Variants in VRTN observed in about 807,000 individuals in gnomAD.
VRTN encodes the protein vertnin.
A neutral mutation model predicts 18.2 loss-of-function variants in VRTN; 5 were observed. The observed-to-expected ratio is 0.27, with a 90% CI of 0.14 to 0.58. The LOEUF (loss-of-function observed/expected upper bound fraction) is 0.58. VRTN is among the 20% of genes least tolerant of loss of function. The probability of loss-of-function intolerance (pLI) is 0.91; values close to 1 mark genes in which losing one functional copy is unlikely to be tolerated. For synonymous variants in VRTN, 381 were observed against 393.7 expected (o/e 0.97, Z 0.38); for missense variants, 741 against 939.4 (o/e 0.79, Z 2.76).
At chr14:74,347,609 G>A (rs931707287), upstream of VRTN, among the ~76,000 whole-genome samples, 4 of 152,230 alleles carry the variant, frequency 2.6e-5, no homozygotes, top group Admixed American at 2.6e-4. Flanking sequence ...AAGGGTTAAA[G>A]CCAGGCTGGA....
intron 2 of VRTN, among the ~76,000 whole-genome samples, chr14:74,339,963 T>A (rs1441625281): frequency 3.9e-5 from 6 of 152,058 alleles, no homozygotes; most frequent in Admixed American, 2.6e-4. Context: ...TGAGATGGAG[T>A]CTCACTCTGC....
chr14:74,308,252 C>CA (rs1289274829), intron 1 of VRTN, among the ~76,000 whole-genome samples: 1 of 151,634 alleles, frequency 6.6e-6, no homozygotes, highest in East Asian at 1.9e-4. Context: ...CCCATCTCTA[C>CA]AAAAAAAGAA....
intron 1 of VRTN, among the ~76,000 whole-genome samples, chr14:74,353,801 T>C (rs1322802016): frequency 6.6e-6 from 1 of 152,028 alleles, no homozygotes; most frequent in Non-Finnish European, 1.5e-5. Flanking sequence ...TGGCTCACTG[T>C]AAGCTCCGCC....
intron 1 of VRTN, among the ~76,000 whole-genome samples, chr14:74,355,916 C>T (rs1567046286): frequency 3.3e-5 from 5 of 151,832 alleles, no homozygotes; most frequent in Admixed American, 6.6e-5. Flanking sequence ...ACTGCAGCCT[C>T]GGATTCCCAG....
chr14:74,303,833 A>T (rs908570606), intron 1 of VRTN, among the ~76,000 whole-genome samples: 5 of 147,262 alleles, frequency 3.4e-5, no homozygotes, highest in African/African-American at 1.3e-4. Flanking sequence ...CAATCAGTTG[A>T]CAATTACAGA....
intron 1 of VRTN, among the ~76,000 whole-genome samples, chr14:74,335,286 C>A (rs114080799): frequency 0.012 from 1,832 of 152,136 alleles, 29 homozygotes; most frequent in African/African-American, 0.041. Context: ...ATAACCATAA[C>A]TGGATAATAG....
rs1018932680 is a variant in VRTN at position 74,357,731 on chromosome 14, C to T, written c.948C>T (p.Ala316=). 1 of 1,613,500 alleles carries T rather than the reference C, an allele frequency of 6.2e-7. No homozygotes were observed. Residue 316 remains alanine (A), a synonymous_variant, in exon 2 of 2, where the codon GCC becomes GCT. Coordinates refer to ENST00000256362, the MANE Select transcript of VRTN (RefSeq NM_018228.3). This position sits in a 1 kb window ranked among gnomAD's most constrained non-coding sequence, Gnocchi z 7.8. The part of the protein sequence containing the change: ...HRQKVAARFS[A]KHFLQDSFHR... The stretch of plus-strand genomic sequence containing the variant: ...AGAAGGTTGCTGCCCGCTTCTCCGC[C>T]AAGCACTTCCTGCAGGACAGCTTCC...
chr14:74,357,965 G>A lies in VRTN; in HGVS notation c.1182G>A (p.Val394=), dbSNP rs2085745315. Residue 394 remains valine, a synonymous_variant, in exon 2 of 2, where the codon GTG becomes GTA. Coordinates refer to ENST00000256362, the MANE Select transcript of VRTN (RefSeq NM_018228.3). This position sits in a 1 kb window ranked among gnomAD's most constrained non-coding sequence, Gnocchi z 7.8. ...AGCTGGAGTGCTCCGCACTGGCGGT[G>A]TCAAGCCCTGGAATGGTCTTAATGC... is the stretch of plus-strand genomic sequence containing the variant. ...EEELECSALA[V]SSPGMVLMQR... is the part of the protein sequence containing the mutation. 1.2e-6 allele frequency: 2 copies of A among 1,614,210 alleles called. No homozygotes were observed. Among genetic ancestry groups the A allele is most frequent in the South Asian group, 1.1e-5 (1 of 91,090 alleles).
intron 1 of VRTN, among the ~76,000 whole-genome samples, chr14:74,335,033 G>A (rs980333318): frequency 2.6e-5 from 4 of 152,162 alleles, no homozygotes; most frequent in Non-Finnish European, 2.9e-5. Flanking sequence ...TGTAATCCCA[G>A]CAGTTTGGGA....
intron 1 of VRTN, among the ~76,000 whole-genome samples, chr14:74,329,461 G>C (rs1001101322): frequency 1.3e-5 from 2 of 152,004 alleles, no homozygotes; most frequent in Non-Finnish European, 2.9e-5. Flanking sequence ...ATGAGGTTTT[G>C]CAATGTTGCC....
At chr14:74,326,704 G>A (rs551337243) in intron 1 of VRTN, among the ~76,000 whole-genome samples, 1 of 152,128 alleles carries the variant, frequency 6.6e-6, no homozygotes, top group Non-Finnish European at 1.5e-5. Flanking sequence ...ACTCCTGCCA[G>A]CTCCAGGGAG....
intron 1 of VRTN, among the ~76,000 whole-genome samples, chr14:74,323,255 G>T (rs2085467388): frequency 6.6e-6 from 1 of 152,112 alleles, no homozygotes; most frequent in South Asian, 2.1e-4. Context: ...AATCTCTGGG[G>T]AGTAGAGGTT....
chr14:74,347,120 A>G (rs2085648843), upstream of VRTN, among the ~76,000 whole-genome samples: 1 of 152,240 alleles, frequency 6.6e-6, no homozygotes, highest in Non-Finnish European at 1.5e-5. Context: ...TACCAAGCAG[A>G]GTTCTAAATG....
intron 1 of VRTN, among the ~76,000 whole-genome samples, chr14:74,332,967 C>G (rs1334448866): frequency 6.6e-6 from 1 of 152,162 alleles, no homozygotes; most frequent in African/African-American, 2.4e-5. Flanking sequence ...TTCCCATATT[C>G]TATTCTCGGG....
At chr14:74,310,619 C>A (rs1176078488) in intron 1 of VRTN, among the ~76,000 whole-genome samples, 1 of 149,810 alleles carries the variant, frequency 6.7e-6, no homozygotes, top group Non-Finnish European at 1.5e-5. Context: ...CTCACTGCAG[C>A]CTCCGCCTCC....
At chr14:74,317,571 G>T (rs1384355655) in intron 1 of VRTN, among the ~76,000 whole-genome samples, 1 of 151,826 alleles carries the variant, frequency 6.6e-6, no homozygotes, top group Non-Finnish European at 1.5e-5. Context: ...GGAGGCCAAG[G>T]TGGGTGGGTC....
intron 1 of VRTN, among the ~76,000 whole-genome samples, chr14:74,307,278 G>A (rs950938755): frequency 1.3e-5 from 2 of 151,114 alleles, no homozygotes; most frequent in Admixed American, 1.3e-4. Flanking sequence ...ATAGGCACCC[G>A]CCACCACGCC....
chr14:74,346,966 GA>G (rs373931019), upstream of VRTN, among the ~76,000 whole-genome samples: 264 of 152,250 alleles, frequency 1.7e-3, no homozygotes, highest in African/African-American at 6.0e-3. Context: ...AGTGTGGAAA[GA>G]AAAGGTATTT....
intron 2 of VRTN, among the ~76,000 whole-genome samples, chr14:74,338,608 G>A (rs1256386880): frequency 3.3e-5 from 5 of 152,232 alleles, no homozygotes; most frequent in Non-Finnish European, 4.4e-5. Flanking sequence ...AGGCTGGAGT[G>A]GAGTGGCATA....
Sources: gnomAD v4.1 joint callset for allele counts (sites outside exome capture counted in the v4.1 genomes callset) on GRCh38, gnomAD v4.1.1 for gene constraint, Gnocchi (gnomAD v3.1) non-coding constraint, MANE v1.5 for transcripts, NCBI Gene and HGNC (gene_info 2026-07-23, HGNC 2026-07-21) for gene names.